EIF3E: variants seen among roughly 807,000 people sequenced by gnomAD.
EIF3E encodes the protein eIF-3 p48.
A neutral mutation model predicts 59.3 loss-of-function variants in EIF3E; 25 were observed. That is an observed-to-expected ratio of 0.42 (90% CI 0.31 to 0.59). EIF3E has a LOEUF of 0.59. EIF3E is among the 20% of genes least tolerant of loss of function. EIF3E has a pLI of 0.15. For missense variants in EIF3E, 317 were observed against 534.3 expected (o/e 0.59, Z 4.01); for synonymous variants, 176 against 170.2 (o/e 1.03, Z -0.26).
At position 108,202,025 on chromosome 8, in the gene EIF3E, C is replaced by G. The variant is rs1300716500; in HGVS notation, c.1300-102G>C. ...ACAGCATTTACTTCAGCACTATAGT[C>G]TCTTGCCAAACCATTCTAAGATCTT... On this transcript the variant is annotated intron_variant, in intron 12 of 12. Transcript: ENST00000220849. 4.5e-6 allele frequency: 5 copies of G among 1,103,026 alleles called. No homozygotes were observed. The Middle Eastern group carries it at 6.5e-4, about 144-fold the overall frequency. 68.3% of individuals were successfully genotyped at this position (1,103,026 alleles called of 1,614,324 possible).
rs565472165 is a variant in EIF3E at position 108,227,166 on chromosome 8, A to C, written c.722+1101T>G. The stretch of plus-strand genomic sequence containing the variant: ...ACGGTGAAACCCTGTCTTACAAAAA[A>C]TAGAAAAATTAGCCAGGCATGGTGG... On this transcript the variant is annotated intron_variant, in intron 7 of 12. Transcript: ENST00000220849. 5 of 152,252 alleles carry C rather than the reference A, an allele frequency of 3.3e-5. No homozygotes were observed. The East Asian group carries it at 9.7e-4, about 29-fold the overall frequency. The allele number at this position is 152,252 out of a possible 1,614,324, so 9.4% of individuals were successfully genotyped here.
At chr8:108,244,193 A>T (rs977549194) in intron 1 of EIF3E, among the ~76,000 whole-genome samples, 8 of 152,224 alleles carry the variant, frequency 5.3e-5, no homozygotes, top group Non-Finnish European at 1.0e-4. Context: ...TAAGAATAGA[A>T]TGCTTTTTCA....
At chr8:108,209,516 T>G (rs774011267) in intron 10 of EIF3E, among the ~76,000 whole-genome samples, 5 of 152,124 alleles carry the variant, frequency 3.3e-5, no homozygotes, top group Non-Finnish European at 5.9e-5. Context: ...AACTTTATAT[T>G]TATTTGTCCA....
chr8:108,217,976 A>C (rs1429941629), intron 7 of EIF3E, among the ~76,000 whole-genome samples: 1 of 152,222 alleles, frequency 6.6e-6, no homozygotes, highest in East Asian at 1.9e-4. Context: ...TTAGGAAGGA[A>C]TAGATGTCAG....
rs142026504 is a variant in EIF3E, at chr8:108,223,974, T to C, written c.722+4293A>G. Among the ~76,000 whole-genome samples, 1,354 of 151,216 alleles carry C rather than the reference T, an allele frequency of 9.0e-3. 86 individuals carry two copies. The highest frequency in any genetic ancestry group is 0.031 in the African/African-American group (1,259 of 40,630). Reference sequence around the variant, plus strand: ...GGCTCACACCAGTAATCCCAGCACTTTGGGATTCCAAGGTGGGCGGGTCAC... The same window carrying C: ...GGCTCACACCAGTAATCCCAGCACTCTGGGATTCCAAGGTGGGCGGGTCAC... On this transcript the variant is annotated intron_variant, in intron 7 of 12. Transcript: ENST00000220849.
At chr8:108,239,331 C>T (rs529399839) in intron 3 of EIF3E, among the ~76,000 whole-genome samples, 2 of 152,244 alleles carry the variant, frequency 1.3e-5, no homozygotes, top group East Asian at 3.9e-4. Context: ...GCTGAGACTA[C>T]AAGCGCACAC....
chr8:108,218,681 T>TA (rs1181338843), intron 7 of EIF3E, among the ~76,000 whole-genome samples: 2 of 152,220 alleles, frequency 1.3e-5, no homozygotes, highest in Non-Finnish European at 2.9e-5. Flanking sequence ...TTAGAACAAT[T>TA]ACTTCTCTTG....
At chr8:108,229,265 C>A in intron 5 of EIF3E, 70 bp from the exon 6 acceptor site, 1 of 1,482,032 alleles carries the variant, frequency 6.7e-7, no homozygotes, top group Non-Finnish European at 9.2e-7. Flanking sequence ...ATGTTTTATA[C>A]CCATGTATCC....
chr8:108,217,488 T>C (rs769867176), intron 7 of EIF3E, 28 bp from the exon 8 acceptor site: 1 of 1,557,070 alleles, frequency 6.4e-7, no homozygotes, highest in South Asian at 1.2e-5. Flanking sequence ...AGTTATTTAA[T>C]AACTTACCCA....
chr8:108,240,038 C>A lies in EIF3E; in HGVS notation c.243G>T (p.Leu81=), dbSNP rs768654722. ...REKRTTVVAQ[L]KQLQAETEPI... is the part of the protein sequence containing the mutation. ...GTTCTGTTTCTGCCTGAAGCTGTTTCAGTTGTGCAACCACTGTGGTTCTTT... is the reference window on the plus strand; with the variant it reads ...GTTCTGTTTCTGCCTGAAGCTGTTTAAGTTGTGCAACCACTGTGGTTCTTT... The change falls in exon 3 of 13, where the codon CTG becomes CTT. Residue 81 remains leucine, a synonymous_variant. Transcript: ENST00000220849. 3 of 1,614,032 alleles carry A rather than the reference C, an allele frequency of 1.9e-6. No individual in the cohort carries two copies. Among genetic ancestry groups the A allele is most frequent in the African/African-American group, 2.7e-5 (2 of 75,038 alleles).
chr8:108,242,295 GT>G, intron 1 of EIF3E: 1 of 1,290,226 alleles, frequency 7.8e-7, no homozygotes, highest in Non-Finnish European at 1.0e-6. Flanking sequence ...CCACATCCAG[GT>G]AATCAGTAAT....
In EIF3E at chr8:108,228,353, T is replaced by C. The variant is rs1427810453; in HGVS notation, c.636A>G (p.Thr212=). 5 of 1,605,218 alleles carry C rather than the reference T, an allele frequency of 3.1e-6. No individual in the cohort carries two copies. In the African/African-American group the frequency reaches 4.0e-5, roughly 13 times the overall value. ...SSPLQSLQQR[T]WLIHWSLFVF... Reference sequence around the variant, plus strand: ...CAAACAGAGACCAGTGAATGAGCCATGTTCTCTGCTGAAGAGACTGAAGTG... The same window carrying C: ...CAAACAGAGACCAGTGAATGAGCCACGTTCTCTGCTGAAGAGACTGAAGTG... Residue 212 remains threonine (T), a synonymous_variant, in exon 7 of 13, where the codon ACA becomes ACG. Coordinates refer to ENST00000220849, the MANE Select transcript of EIF3E (RefSeq NM_001568.3).
chr8:108,205,205 T>C (rs1255591481), intron 10 of EIF3E, among the ~76,000 whole-genome samples: 5 of 152,150 alleles, frequency 3.3e-5, no homozygotes, highest in Admixed American at 3.3e-4. Context: ...ATTTTTGCTA[T>C]AGTTGTTTTA....
intron 2 of EIF3E, 117 bp downstream of exon 2, chr8:108,241,682 A>AT (rs1193412760): frequency 1.9e-6 from 1 of 528,684 alleles, no homozygotes; most frequent in Admixed American, 3.8e-5. Flanking sequence ...CCCAAAGAAC[A>AT]TTAACATTCA....
chr8:108,215,909 C>T (rs1815292961), intron 9 of EIF3E, among the ~76,000 whole-genome samples: 1 of 152,054 alleles, frequency 6.6e-6, no homozygotes, highest in Non-Finnish European at 1.5e-5. Context: ...GAGACACCGC[C>T]GTTATAAAAT....
At chr8:108,242,360 T>G in intron 1 of EIF3E, 1 of 1,289,480 alleles carries the variant, frequency 7.8e-7, no homozygotes, top group Non-Finnish European at 1.0e-6. Context: ...CACCAAGTTT[T>G]TAAGTCAACC....
intron 10 of EIF3E, among the ~76,000 whole-genome samples, chr8:108,209,655 T>C (rs938083047): frequency 2.0e-5 from 3 of 152,210 alleles, no homozygotes; most frequent in African/African-American, 7.2e-5. Context: ...AGAGCTGTAC[T>C]ACTAGTTAGG....
At chr8:108,233,876 TTAAG>T (rs1189379002) in intron 5 of EIF3E, among the ~76,000 whole-genome samples, 2 of 150,260 alleles carry the variant, frequency 1.3e-5, no homozygotes, top group East Asian at 2.0e-4. Context: ...ATCTTAGACT[TTAAG>T]TACCTACTTA....
intron 7 of EIF3E, among the ~76,000 whole-genome samples, chr8:108,224,465 G>A (rs1156351617): frequency 6.6e-6 from 1 of 151,290 alleles, no homozygotes; most frequent in African/African-American, 2.5e-5. Context: ...CCAGGAAATG[G>A]GTGAAACAAT....
Sources: allele counts gnomAD v4.1 joint callset (sites outside exome capture counted in the v4.1 genomes callset), GRCh38; gene constraint gnomAD v4.1.1; transcripts MANE v1.5; gene names NCBI Gene and HGNC (gene_info 2026-07-23, HGNC 2026-07-21).